Variants in SYNDIG1L observed in about 807,000 individuals in gnomAD.
SYNDIG1L encodes synapse differentiation-inducing gene protein 1-like.
In SYNDIG1L, 13 loss-of-function variants were observed where a neutral mutation model predicts 20.1. That is an observed-to-expected ratio of 0.65 (90% CI 0.42 to 1.03). SYNDIG1L has a LOEUF of 1.03. SYNDIG1L is among the 50% of genes least tolerant of loss of function. The probability of loss-of-function intolerance (pLI) is 0.00; values close to 1 mark genes in which losing one functional copy is unlikely to be tolerated. For synonymous variants in SYNDIG1L, 128 were observed against 129.3 expected (o/e 0.99, Z 0.07); for missense variants, 294 against 305.1 (o/e 0.96, Z 0.27).
chr14:74,449,438 C>CAAAAAAAAAAAAAAAAAAAAA, the SYNDIG1L span, among the ~76,000 whole-genome samples: 9 of 34,016 alleles, frequency 2.6e-4, 2 homozygotes, highest in East Asian at 2.2e-3. Flanking sequence ...CCTGTCTTTA[C>CAAAAAAAAAAAAAAAAAAAAA]AAAAAAAAAA....
chr14:74,409,650 C>T lies in SYNDIG1L; in HGVS notation c.95G>A (p.Trp32Ter). 2 of 1,494,750 alleles carry T rather than the reference C, an allele frequency of 1.3e-6. No individual in the cohort carries two copies. The highest frequency in any genetic ancestry group is 1.8e-6 in the Non-Finnish European group (2 of 1,122,728). The allele number at this position is 1,494,750 out of a possible 1,614,324, so 92.6% of individuals were successfully genotyped here. A position where few individuals can be genotyped will look rare whatever the true frequency, so the allele number is the denominator to read the frequency against. The change falls in exon 2 of 4, where the codon TGG (tryptophan) becomes TAG (stop). Residue 32 changes from tryptophan to a stop codon, truncating the protein, a stop_gained. Transcript: ENST00000331628. LOFTEE classifies it high-confidence loss of function. ...GGAGTAGAGCTTTTCCTGGCAGGACCAGCTGGGTGGGGTCTCCGGGTAGGG... is the reference window on the plus strand; with the variant it reads ...GGAGTAGAGCTTTTCCTGGCAGGACTAGCTGGGTGGGGTCTCCGGGTAGGG... ...PYPYPETPPS[W>*]SCQEKLYSYL...
At chr14:74,471,571 CTG>C in the SYNDIG1L span, among the ~76,000 whole-genome samples, 1 of 151,706 alleles carries the variant, frequency 6.6e-6, no homozygotes, top group Non-Finnish European at 1.5e-5. Flanking sequence ...GCACTGCAGC[CTG>C]GGTGACAACG....
the SYNDIG1L span, among the ~76,000 whole-genome samples, chr14:74,437,878 T>C: frequency 6.6e-6 from 1 of 152,202 alleles, no homozygotes; most frequent in African/African-American, 2.4e-5. Context: ...AGCCCTACTA[T>C]AGGGCCCCCA....
At chr14:74,446,631 C>CT in the SYNDIG1L span, among the ~76,000 whole-genome samples, 8 of 95,808 alleles carry the variant, frequency 8.4e-5, no homozygotes, top group South Asian at 2.9e-3. Flanking sequence ...TTTTTTTTTT[C>CT]TTTTTGAGAT....
At chr14:74,412,951 G>A (rs1334104444) in intron 1 of SYNDIG1L, among the ~76,000 whole-genome samples, 1 of 152,116 alleles carries the variant, frequency 6.6e-6, no homozygotes, top group Non-Finnish European at 1.5e-5. Flanking sequence ...CTTGGGGTGG[G>A]AGTGGGCAGC....
the SYNDIG1L span, among the ~76,000 whole-genome samples, chr14:74,446,474 A>G: frequency 6.6e-6 from 1 of 152,204 alleles, no homozygotes; most frequent in Non-Finnish European, 1.5e-5. Flanking sequence ...AAAAAGAATG[A>G]GACAAATGGA....
chr14:74,455,171 C>T, the SYNDIG1L span, among the ~76,000 whole-genome samples: 1 of 152,220 alleles, frequency 6.6e-6, no homozygotes, highest in Non-Finnish European at 1.5e-5. Flanking sequence ...GCCTTCACAA[C>T]CACGTGAACC....
chr14:74,425,437 C>T (rs1300208682), intron 1 of SYNDIG1L, among the ~76,000 whole-genome samples: 1 of 152,210 alleles, frequency 6.6e-6, no homozygotes, highest in Non-Finnish European at 1.5e-5. Context: ...TCCCTTGGCC[C>T]AAGAGCCATT....
At position 74,425,084 on chromosome 14, in the gene SYNDIG1L, G is replaced by T. The variant is rs4903225; in HGVS notation, c.-58+828C>A. Among the ~76,000 whole-genome samples, 467 of 152,318 alleles carry T rather than the reference G, an allele frequency of 3.1e-3. 1 individual carries two copies. The highest frequency in any genetic ancestry group is 4.0e-3 in the Non-Finnish European group (273 of 68,024). ...GGTAGGCCAATTCTTCCTCCACGCA[G>T]TTTTATTTTGATCGCTACATTCTGC... On this transcript the variant is annotated intron_variant, in intron 1 of 3. Coordinates refer to ENST00000331628, the MANE Select transcript of SYNDIG1L (RefSeq NM_001105579.2).
chr14:74,448,755 C>T, the SYNDIG1L span, among the ~76,000 whole-genome samples: 2 of 151,978 alleles, frequency 1.3e-5, no homozygotes, highest in African/African-American at 2.4e-5. Flanking sequence ...TAGAAAATCA[C>T]CAAATATTTA....
upstream of SYNDIG1L, chr14:74,426,228 G>T (rs1159215280): frequency 6.6e-6 from 1 of 150,800 alleles, no homozygotes; most frequent in Non-Finnish European, 1.5e-5. Context: ...CAGCGAGGAG[G>T]GTCCCCCTCC....
the SYNDIG1L span, among the ~76,000 whole-genome samples, chr14:74,464,140 C>T: frequency 6.6e-6 from 1 of 152,194 alleles, no homozygotes; most frequent in Non-Finnish European, 1.5e-5. Flanking sequence ...TTATACCTGC[C>T]CTGAAAGAGG....
At chr14:74,418,847 G>T (rs149252393) in intron 1 of SYNDIG1L, among the ~76,000 whole-genome samples, 1 of 152,084 alleles carries the variant, frequency 6.6e-6, no homozygotes, top group African/African-American at 2.4e-5. Context: ...AGCCATTTTC[G>T]GTTCTTCAAA....
the SYNDIG1L span, among the ~76,000 whole-genome samples, chr14:74,454,751 T>C: frequency 6.6e-6 from 1 of 152,224 alleles, no homozygotes; most frequent in Non-Finnish European, 1.5e-5. Flanking sequence ...CCCCCGGGGC[T>C]CTGCAGAACC....
At chr14:74,440,916 T>G in the SYNDIG1L span, among the ~76,000 whole-genome samples, 1 of 152,232 alleles carries the variant, frequency 6.6e-6, no homozygotes, top group Admixed American at 6.5e-5. Flanking sequence ...GTCCCCAGTC[T>G]GTCCCTCATG....
At chr14:74,432,269 G>A in the SYNDIG1L span, among the ~76,000 whole-genome samples, 5 of 151,914 alleles carry the variant, frequency 3.3e-5, no homozygotes, top group South Asian at 2.1e-4. Flanking sequence ...ATCCCTGGTC[G>A]CCCATGGTCC....
chr14:74,433,845 A>G, the SYNDIG1L span, among the ~76,000 whole-genome samples: 1 of 152,184 alleles, frequency 6.6e-6, no homozygotes, highest in Non-Finnish European at 1.5e-5. Context: ...CTCACTCTTA[A>G]CCTTAATACC....
upstream of SYNDIG1L, among the ~76,000 whole-genome samples, chr14:74,429,559 G>T (rs1233522813): frequency 6.6e-6 from 1 of 152,242 alleles, no homozygotes; most frequent in African/African-American, 2.4e-5. Context: ...TCCCTTAAGA[G>T]GACAGGTGAG....
At chr14:74,447,946 C>T in the SYNDIG1L span, among the ~76,000 whole-genome samples, 1 of 151,992 alleles carries the variant, frequency 6.6e-6, no homozygotes, top group African/African-American at 2.4e-5. Context: ...TTGAGGTAAA[C>T]TGTGATAGTA....
Sources: gnomAD v4.1 joint callset for allele counts (sites outside exome capture counted in the v4.1 genomes callset) on GRCh38, gnomAD v4.1.1 for gene constraint, MANE v1.5 for transcripts, NCBI Gene and HGNC (gene_info 2026-07-23, HGNC 2026-07-21) for gene names.